Variants in CDKAL1 observed in about 807,000 individuals in gnomAD.
CDKAL1 encodes threonylcarbamoyladenosine tRNA methylthiotransferase.
A neutral mutation model predicts 68.2 loss-of-function variants in CDKAL1; 32 were observed. That is an observed-to-expected ratio of 0.47 (90% CI 0.35 to 0.63). The LOEUF (loss-of-function observed/expected upper bound fraction) is 0.63. Among genes scored for constraint, CDKAL1 ranks in the 30% least tolerant of loss-of-function variants. The pLI is 0.00. For missense variants in CDKAL1, 606 were observed against 696.7 expected (o/e 0.87, Z 1.47); for synonymous variants, 234 against 244.3 (o/e 0.96, Z 0.39).
At chr6:21,034,827 A>C (rs1479766497) in intron 11 of CDKAL1, among the ~76,000 whole-genome samples, 1 of 152,218 alleles carries the variant, frequency 6.6e-6, no homozygotes, top group Non-Finnish European at 1.5e-5. Flanking sequence ...TGACTTGATA[A>C]ATACAAAGAA....
intron 11 of CDKAL1, among the ~76,000 whole-genome samples, chr6:21,027,249 A>G (rs1024263006): frequency 4.6e-5 from 7 of 152,088 alleles, no homozygotes; most frequent in African/African-American, 1.4e-4. Flanking sequence ...CATATTAGCC[A>G]TATCAAATCT....
In CDKAL1 at chr6:20,593,540, G is replaced by A. The variant is rs567632567; in HGVS notation, c.286+44835G>A. Among the ~76,000 whole-genome samples, 577 of 147,604 alleles carry A rather than the reference G, an allele frequency of 3.9e-3. 3 individuals are homozygous for A. Among genetic ancestry groups the A allele is most frequent in the Admixed American group, 8.8e-3 (130 of 14,824 alleles). ...TCTCCCCTTTATCATTTTTTATTGC[G>A]TCTATTCGATTCTTCTCTCTTTTCT... On this transcript the variant is annotated intron_variant, in intron 4 of 15. Transcript: ENST00000274695.
chr6:20,754,014 C>G (rs58019786), intron 6 of CDKAL1, among the ~76,000 whole-genome samples: 1 of 151,524 alleles, frequency 6.6e-6, no homozygotes, highest in Non-Finnish European at 1.5e-5. Flanking sequence ...GGGTCTCACT[C>G]TGTCACCTAC....
chr6:20,951,021 C>T (rs74362323), intron 9 of CDKAL1, among the ~76,000 whole-genome samples: 3,229 of 151,696 alleles, frequency 0.021, 52 homozygotes, highest in Non-Finnish European at 0.034. Context: ...GAGCACACAC[C>T]GGGTAGTGGG....
chr6:21,121,142 C>T (rs764177714), intron 13 of CDKAL1, among the ~76,000 whole-genome samples: 10 of 152,132 alleles, frequency 6.6e-5, no homozygotes, highest in Non-Finnish European at 1.2e-4. Context: ...TAAAATCTTT[C>T]CCTATTAGGG....
At chr6:21,152,665 G>C (rs528667149) in intron 13 of CDKAL1, among the ~76,000 whole-genome samples, 1 of 152,150 alleles carries the variant, frequency 6.6e-6, no homozygotes, top group African/African-American at 2.4e-5. Flanking sequence ...TTTACTGCCC[G>C]TAATGATTAT....
chr6:20,850,500 G>A (rs748777262), intron 9 of CDKAL1, among the ~76,000 whole-genome samples: 3 of 151,894 alleles, frequency 2.0e-5, no homozygotes, highest in African/African-American at 7.3e-5. Flanking sequence ...GAGTGCAGTG[G>A]CATGATCTTG....
intron 12 of CDKAL1, among the ~76,000 whole-genome samples, chr6:21,078,312 T>C (rs1562012662): frequency 6.6e-6 from 1 of 152,204 alleles, no homozygotes; most frequent in Non-Finnish European, 1.5e-5. Context: ...AGGTGACACA[T>C]GCTTATTCCT....
chr6:21,092,231 G>A (rs1455537122), intron 12 of CDKAL1, among the ~76,000 whole-genome samples: 2 of 149,582 alleles, frequency 1.3e-5, no homozygotes, highest in South Asian at 4.3e-4. Flanking sequence ...GGGTCGGGGG[G>A]GCGGGGTTTA....
chr6:20,958,783 C>T (rs539934417), intron 10 of CDKAL1, among the ~76,000 whole-genome samples: 1 of 152,300 alleles, frequency 6.6e-6, no homozygotes, highest in Non-Finnish European at 1.5e-5. Context: ...ATGCTTCACA[C>T]AACAGACTTT....
chr6:20,980,659 G>T (rs759160456), intron 10 of CDKAL1, among the ~76,000 whole-genome samples: 13 of 147,304 alleles, frequency 8.8e-5, no homozygotes, highest in Non-Finnish European at 1.7e-4. Context: ...GATGTTGGGG[G>T]TGAATAGGCA....
At chr6:21,100,082 G>T (rs1773508925) in intron 12 of CDKAL1, among the ~76,000 whole-genome samples, 1 of 152,048 alleles carries the variant, frequency 6.6e-6, no homozygotes, top group Admixed American at 6.6e-5. Flanking sequence ...AGACCTGCCA[G>T]GATAAATGGT....
chr6:20,657,738 T>G (rs1769092715), intron 5 of CDKAL1, among the ~76,000 whole-genome samples: 1 of 152,224 alleles, frequency 6.6e-6, no homozygotes. Context: ...TTTTACAGTG[T>G]TTGTATTATT....
At chr6:21,118,564 G>A (rs897801606) in intron 13 of CDKAL1, among the ~76,000 whole-genome samples, 10 of 152,168 alleles carry the variant, frequency 6.6e-5, no homozygotes, top group Admixed American at 2.6e-4. Context: ...TGGGGTTTTC[G>A]TGTAAGATTT....
intron 13 of CDKAL1, among the ~76,000 whole-genome samples, chr6:21,161,463 GAT>G (rs1776922901): frequency 1.3e-5 from 2 of 152,298 alleles, no homozygotes; most frequent in African/African-American, 4.8e-5. Context: ...CAGTGTAAGA[GAT>G]AAACTGTTAG....
chr6:21,229,451 T>C (rs561997470), intron 15 of CDKAL1, among the ~76,000 whole-genome samples: 2 of 152,308 alleles, frequency 1.3e-5, no homozygotes, highest in Admixed American at 1.3e-4. Context: ...ACATTCCTGT[T>C]CCTGTTACCT....
At chr6:20,758,127 C>G (rs1774305750) in intron 6 of CDKAL1, among the ~76,000 whole-genome samples, 1 of 152,094 alleles carries the variant, frequency 6.6e-6, no homozygotes, top group Admixed American at 6.6e-5. Context: ...GTACCCAGCA[C>G]ATGGTAGAAA....
At chr6:20,676,144 A>G (rs1394383480) in intron 5 of CDKAL1, among the ~76,000 whole-genome samples, 2 of 151,984 alleles carry the variant, frequency 1.3e-5, no homozygotes, top group African/African-American at 4.8e-5. Flanking sequence ...CAAAACGTTA[A>G]AAAGAAAAAG....
intron 11 of CDKAL1, among the ~76,000 whole-genome samples, chr6:21,044,202 C>T (rs757406843): frequency 1.2e-4 from 18 of 152,252 alleles, no homozygotes; most frequent in Middle Eastern, 3.4e-3. Flanking sequence ...CTTTACTCCT[C>T]GACATCTCCT....
Sources: allele counts gnomAD v4.1 joint callset (sites outside exome capture counted in the v4.1 genomes callset), GRCh38; gene constraint gnomAD v4.1.1; transcripts MANE v1.5; gene names NCBI Gene and HGNC (gene_info 2026-07-23, HGNC 2026-07-21).